Variants in TUBGCP3 observed in about 807,000 individuals in gnomAD.
The protein encoded by TUBGCP3 is gamma-tubulin complex component 3.
Under a neutral mutation model 123.1 loss-of-function variants are expected in TUBGCP3, and 50 were observed. The ratio of observed to expected loss-of-function variants is 0.41; its 90% CI spans 0.32 to 0.51. The LOEUF (loss-of-function observed/expected upper bound fraction) is 0.51. TUBGCP3 is among the 20% of genes least tolerant of loss of function. The pLI is 0.36. For synonymous variants in TUBGCP3, 405 were observed against 413.9 expected, an observed-to-expected ratio of 0.98 and a Z score of 0.26; for missense variants, 882 against 1,127.0, an observed-to-expected ratio of 0.78 and a Z score of 3.11.
chr13:112,585,161 C>T (rs1254081892), intron 1 of TUBGCP3, among the ~76,000 whole-genome samples: 1 of 152,096 alleles, frequency 6.6e-6, no homozygotes, highest in African/African-American at 2.4e-5. Context: ...AAATGTATTA[C>T]AAAAGCATAA....
chr13:112,597,742 A>G, the TUBGCP3 span, among the ~76,000 whole-genome samples: 1 of 152,188 alleles, frequency 6.6e-6, no homozygotes, highest in Non-Finnish European at 1.5e-5. Context: ...GGTGACATGA[A>G]GAAAACAGAC....
In TUBGCP3 at chr13:112,519,773, A is replaced by G; in HGVS notation, c.1881+113T>C. The G allele has an allele frequency of 1.4e-6, 2 of 1,383,236 alleles. No homozygotes were observed. The highest frequency in any genetic ancestry group is 1.9e-6 in the Non-Finnish European group (2 of 1,056,260). The allele number at this position is 1,383,236 out of a possible 1,614,324, so 85.7% of individuals were successfully genotyped here. A position where few individuals can be genotyped will look rare whatever the true frequency, so the allele number is the denominator to read the frequency against. ...CCTACTCAGGCTGCCCAGTTTCCAG[A>G]AAGATAACGGCTAGCTGTGCCTGAA... is the stretch of plus-strand genomic sequence containing the variant. On this transcript the variant is annotated intron_variant, in intron 15 of 21. Coordinates refer to ENST00000261965, the MANE Select transcript of TUBGCP3 (RefSeq NM_006322.6). The surrounding 1 kb of genome is among the most constrained non-coding windows in gnomAD (Gnocchi z 6.2).
chr13:112,534,321 T>C (rs944344594), intron 11 of TUBGCP3, among the ~76,000 whole-genome samples: 1 of 151,776 alleles, frequency 6.6e-6, no homozygotes, highest in Non-Finnish European at 1.5e-5. Context: ...CCGAGAGGGG[T>C]GGATCACGAG....
chr13:112,493,584 G>A (rs1471838934), intron 20 of TUBGCP3, among the ~76,000 whole-genome samples: 1 of 150,818 alleles, frequency 6.6e-6, no homozygotes, highest in Non-Finnish European at 1.5e-5. Context: ...TCTAGCTATA[G>A]GAACATGGCC....
At chr13:112,554,454 T>A (rs1879856306) in intron 7 of TUBGCP3, among the ~76,000 whole-genome samples, 4 of 152,054 alleles carry the variant, frequency 2.6e-5, no homozygotes, top group Admixed American at 2.6e-4. Flanking sequence ...AGCCACGCTG[T>A]GAAAGGGCTA....
chr13:112,504,507 ATT>A, intron 18 of TUBGCP3, 117 bp downstream of exon 18: 1 of 689,640 alleles, frequency 1.5e-6, no homozygotes. Flanking sequence ...AAAAGAAAAA[ATT>A]ATGTATATAT....
chr13:112,503,401 G>A (rs1399154544), intron 19 of TUBGCP3, among the ~76,000 whole-genome samples: 1 of 152,098 alleles, frequency 6.6e-6, no homozygotes, highest in South Asian at 2.1e-4. Context: ...ACAGTGTCTC[G>A]ATCTGTTGCC....
intron 17 of TUBGCP3, among the ~76,000 whole-genome samples, chr13:112,507,991 C>T (rs1186387519): frequency 3.9e-5 from 6 of 152,152 alleles, no homozygotes; most frequent in African/African-American, 1.4e-4. Flanking sequence ...AACCCATCTA[C>T]CAAACAACAC....
At chr13:112,594,914 A>G in the TUBGCP3 span, among the ~76,000 whole-genome samples, 173 of 152,308 alleles carry the variant, frequency 1.1e-3, no homozygotes, top group East Asian at 0.019. Flanking sequence ...GTAAGAGAAG[A>G]CAGACTAAGA....
intron 1 of TUBGCP3, among the ~76,000 whole-genome samples, chr13:112,585,092 T>C (rs1272025753): frequency 6.6e-6 from 1 of 152,234 alleles, no homozygotes; most frequent in Non-Finnish European, 1.5e-5. Context: ...GTGATTCATA[T>C]GAAATTCTCA....
At chr13:112,502,165 C>G (rs1252195511) in intron 19 of TUBGCP3, among the ~76,000 whole-genome samples, 2 of 152,204 alleles carry the variant, frequency 1.3e-5, no homozygotes, top group Non-Finnish European at 2.9e-5. Flanking sequence ...CAACATTATA[C>G]TTGAATTATA....
chr13:112,532,716 T>C (rs1447355127), intron 11 of TUBGCP3, among the ~76,000 whole-genome samples: 1 of 152,224 alleles, frequency 6.6e-6, no homozygotes, highest in Non-Finnish European at 1.5e-5. Flanking sequence ...GAGCAAAAAA[T>C]ATAAACTTTT....
At chr13:112,525,551 A>C (rs1246757787) in intron 13 of TUBGCP3, among the ~76,000 whole-genome samples, 1 of 152,274 alleles carries the variant, frequency 6.6e-6, no homozygotes, top group Non-Finnish European at 1.5e-5. Context: ...GAACCATGAC[A>C]ATATAAATAG....
chr13:112,553,512 G>A (rs1411898521), intron 8 of TUBGCP3, among the ~76,000 whole-genome samples: 1 of 152,244 alleles, frequency 6.6e-6, no homozygotes, highest in Non-Finnish European at 1.5e-5. Flanking sequence ...CCCCTGTCAG[G>A]CTCCAACAGG....
chr13:112,598,621 T>C, the TUBGCP3 span, among the ~76,000 whole-genome samples: 1 of 151,548 alleles, frequency 6.6e-6, no homozygotes, highest in South Asian at 2.1e-4. Context: ...AAGTGAAGAG[T>C]GAAAATACTG....
chr13:112,586,793 C>T (rs1434251455), intron 1 of TUBGCP3, among the ~76,000 whole-genome samples: 1 of 151,992 alleles, frequency 6.6e-6, no homozygotes, highest in Non-Finnish European at 1.5e-5. Flanking sequence ...GCACAGTTCC[C>T]GGGGGGAACT....
chr13:112,601,489 C>G, the TUBGCP3 span, among the ~76,000 whole-genome samples: 1 of 152,158 alleles, frequency 6.6e-6, no homozygotes, highest in East Asian at 1.9e-4. Flanking sequence ...GCGGCTCTGG[C>G]CAGGGCTGCT....
At chr13:112,566,122 G>A (rs1880939140) in intron 2 of TUBGCP3, among the ~76,000 whole-genome samples, 1 of 152,200 alleles carries the variant, frequency 6.6e-6, no homozygotes, top group African/African-American at 2.4e-5. Context: ...CAGCGAATGA[G>A]AAGTTCATTC....
chr13:112,558,809 C>T (rs1275383447), intron 4 of TUBGCP3, among the ~76,000 whole-genome samples: 1 of 152,104 alleles, frequency 6.6e-6, no homozygotes, highest in Non-Finnish European at 1.5e-5. Context: ...ACTCTTTCAC[C>T]CACACGCTTC....
Sources: allele counts gnomAD v4.1 joint callset (sites outside exome capture counted in the v4.1 genomes callset), GRCh38; gene constraint gnomAD v4.1.1; non-coding constraint Gnocchi (gnomAD v3.1); transcripts MANE v1.5; gene names NCBI Gene and HGNC (gene_info 2026-07-23, HGNC 2026-07-21).